ANKRD45: variants seen among roughly 807,000 people sequenced by gnomAD.
The protein encoded by ANKRD45 is ankyrin repeat domain-containing protein 45.
In ANKRD45, 21 loss-of-function variants were observed where a neutral mutation model predicts 28.1. That is an observed-to-expected ratio of 0.75 (90% CI 0.53 to 1.08). ANKRD45 has a LOEUF of 1.08. Ranked by LOEUF, ANKRD45 falls within the 50% of genes least tolerant of loss-of-function variation. The pLI is 0.00. For synonymous variants in ANKRD45, 86 were observed against 103.9 expected (o/e 0.83, Z 1.05); for missense variants, 261 against 308.7 (o/e 0.85, Z 1.16).
At chr1:173,675,014 T>A in the ANKRD45 span, among the ~76,000 whole-genome samples, 1 of 152,062 alleles carries the variant, frequency 6.6e-6, no homozygotes, top group Admixed American at 6.5e-5. Context: ...AAGTCTTATG[T>A]CCTATGAAGA....
chr1:173,637,043 G>A, intron 3 of ANKRD45: 1 of 1,460,444 alleles, frequency 6.8e-7, no homozygotes, highest in Non-Finnish European at 9.3e-7. Context: ...CTAAATAAAT[G>A]CATATGCAAA....
chr1:173,642,081 C>A (rs1668726894), intron 3 of ANKRD45, among the ~76,000 whole-genome samples: 1 of 152,132 alleles, frequency 6.6e-6, no homozygotes, highest in African/African-American at 2.4e-5. Flanking sequence ...AATACTACCC[C>A]TGATGGAACT....
chr1:173,634,104 T>C (rs1483485302), intron 3 of ANKRD45, among the ~76,000 whole-genome samples: 3 of 151,932 alleles, frequency 2.0e-5, no homozygotes, highest in Non-Finnish European at 4.4e-5. Flanking sequence ...AACCAGAATA[T>C]ATAAGCAGCT....
chr1:173,632,391 CAA>C (rs1320940188), intron 3 of ANKRD45, among the ~76,000 whole-genome samples: 1 of 151,930 alleles, frequency 6.6e-6, no homozygotes, highest in Non-Finnish European at 1.5e-5. Flanking sequence ...AGCTTCATGC[CAA>C]GTTTTACCAA....
At chr1:173,688,708 C>T in the ANKRD45 span, among the ~76,000 whole-genome samples, 1 of 134,932 alleles carries the variant, frequency 7.4e-6, no homozygotes, top group Non-Finnish European at 1.6e-5. Context: ...TCTCTTTCTG[C>T]CTCTTTCCTC....
At chr1:173,689,212 C>G in the ANKRD45 span, among the ~76,000 whole-genome samples, 1 of 152,138 alleles carries the variant, frequency 6.6e-6, no homozygotes, top group African/African-American at 2.4e-5. Context: ...TGTCCTTCCT[C>G]CCTCTTAGTT....
At chr1:173,705,481 G>A in the ANKRD45 span, among the ~76,000 whole-genome samples, 2 of 150,568 alleles carry the variant, frequency 1.3e-5, no homozygotes, top group Non-Finnish European at 3.0e-5. Context: ...TGGGTACCAC[G>A]GTGAAACTCT....
rs1667034370 is a variant in ANKRD45, at chr1:173,608,921, A to AAGGGAGGGGG, written c.*1223_*1224insCCCCCTCCCT. 2.0e-5 allele frequency among the ~76,000 whole-genome samples: 1 copy of AAGGGAGGGGG among 49,770 alleles called. No individual in the cohort carries two copies. The highest frequency in any genetic ancestry group is 1.1e-4 in the African/African-American group (1 of 9,462). 32.7% of individuals were successfully genotyped at this position (49,770 alleles called of 152,430 possible). On this transcript the variant is annotated 3_prime_UTR_variant, in exon 6 of 6. Coordinates refer to ENST00000333279, the MANE Select transcript of ANKRD45 (RefSeq NM_198493.3). ...AGAGGAAGGGAGAGGAAGGGAGGGG[A>AAGGGAGGGGG]AGGGAGGGGAAGGGAGGGGAAGGGA...
chr1:173,714,322 G>GA, the ANKRD45 span, among the ~76,000 whole-genome samples: 1,989 of 152,040 alleles, frequency 0.013, 50 homozygotes, highest in African/African-American at 0.046. Context: ...GCTTGCTACT[G>GA]AAAAAAAATT....
the ANKRD45 span, among the ~76,000 whole-genome samples, chr1:173,706,489 C>T: frequency 6.6e-6 from 1 of 151,660 alleles, no homozygotes; most frequent in African/African-American, 2.4e-5. Context: ...CAGGTGCCCA[C>T]GACCATGCAT....
At chr1:173,710,627 C>T in the ANKRD45 span, among the ~76,000 whole-genome samples, 3 of 152,110 alleles carry the variant, frequency 2.0e-5, no homozygotes, top group African/African-American at 7.2e-5. Context: ...CCTGGAAGGT[C>T]ATATACCAGC....
the ANKRD45 span, among the ~76,000 whole-genome samples, chr1:173,699,968 CAA>C: frequency 6.6e-6 from 1 of 152,186 alleles, no homozygotes; most frequent in Non-Finnish European, 1.5e-5. Flanking sequence ...GCAACTTCAG[CAA>C]AGTCTCAGGA....
At chr1:173,629,085 G>A (rs2102330547) in intron 3 of ANKRD45, among the ~76,000 whole-genome samples, 1 of 152,388 alleles carries the variant, frequency 6.6e-6, no homozygotes, top group East Asian at 1.9e-4. Context: ...TGAGCTTGGG[G>A]TGCCCCCTAA....
At chr1:173,641,009 G>A (rs1434753496) in intron 3 of ANKRD45, among the ~76,000 whole-genome samples, 7 of 152,044 alleles carry the variant, frequency 4.6e-5, no homozygotes, top group Non-Finnish European at 1.0e-4. Flanking sequence ...GATGTAAATG[G>A]GAAAGACCCC....
chr1:173,668,991 T>C (rs569225379), intron 1 of ANKRD45, among the ~76,000 whole-genome samples: 1 of 152,344 alleles, frequency 6.6e-6, no homozygotes, highest in African/African-American at 2.4e-5. Flanking sequence ...GAAAAATCTA[T>C]AAACTTTTCT....
At chr1:173,691,911 T>C in the ANKRD45 span, among the ~76,000 whole-genome samples, 1 of 152,216 alleles carries the variant, frequency 6.6e-6, no homozygotes, top group Non-Finnish European at 1.5e-5. Context: ...GCTGCTGTGT[T>C]ATTCCCCTAT....
At chr1:173,613,124 G>A (rs1012434483) in intron 5 of ANKRD45, among the ~76,000 whole-genome samples, 5 of 151,758 alleles carry the variant, frequency 3.3e-5, no homozygotes, top group Non-Finnish European at 5.9e-5. Context: ...CTTCCCGGCC[G>A]CCATCCTGTC....
At chr1:173,627,211 A>G (rs1667978523) in intron 3 of ANKRD45, 52 bp from the exon 4 acceptor site, 1 of 1,248,534 alleles carries the variant, frequency 8.0e-7, no homozygotes, top group Non-Finnish European at 1.2e-6. Flanking sequence ...CAAGAGGCAA[A>G]GCAAGATAGT....
chr1:173,679,816 CAGAACCTACAA>C, the ANKRD45 span, among the ~76,000 whole-genome samples: 1 of 152,174 alleles, frequency 6.6e-6, no homozygotes, highest in Non-Finnish European at 1.5e-5. Flanking sequence ...GGCTGATATC[CAGAACCTACAA>C]AGAACTTAAA....
Sources: allele counts gnomAD v4.1 joint callset (sites outside exome capture counted in the v4.1 genomes callset), GRCh38; gene constraint gnomAD v4.1.1; transcripts MANE v1.5; gene names NCBI Gene and HGNC (gene_info 2026-07-23, HGNC 2026-07-21).